The following MTMR9 variants were observed in gnomAD, a reference collection of about 807,000 sequenced individuals.
The protein encoded by MTMR9 is myotubularin-related protein 9.
A neutral mutation model predicts 69.5 loss-of-function variants in MTMR9; 39 were observed. That is an observed-to-expected ratio of 0.56 (90% CI 0.43 to 0.73). The LOEUF is 0.73. Ranked by LOEUF, MTMR9 falls within the 30% of genes least tolerant of loss-of-function variation. The pLI is 0.00. For missense variants in MTMR9, 900 were observed against 671.2 expected (o/e 1.34, Z -3.77); for synonymous variants, 354 against 240.8 (o/e 1.47, Z -4.35).
At chr8:11,291,033 G>C (rs1366693394) in intron 1 of MTMR9, among the ~76,000 whole-genome samples, 1 of 151,998 alleles carries the variant, frequency 6.6e-6, no homozygotes, top group Non-Finnish European at 1.5e-5. Flanking sequence ...CGTCCACTCA[G>C]CTTCCCCTAA....
chr8:11,305,802 T>C (rs1490829118), intron 4 of MTMR9, among the ~76,000 whole-genome samples: 1 of 152,228 alleles, frequency 6.6e-6, no homozygotes, highest in Non-Finnish European at 1.5e-5. Flanking sequence ...CTTATAATTG[T>C]TGTTAAAACC....
At chr8:11,314,388 T>C (rs1265082120) in intron 6 of MTMR9, among the ~76,000 whole-genome samples, 1 of 152,234 alleles carries the variant, frequency 6.6e-6, no homozygotes, top group East Asian at 1.9e-4. Context: ...TGTTTGTTTT[T>C]TTTCCTGTTG....
intron 7 of MTMR9, chr8:11,316,072 A>T (rs1323204548): frequency 6.6e-6 from 1 of 152,254 alleles, no homozygotes; most frequent in African/African-American, 2.4e-5. Context: ...AGTAGATGGC[A>T]GACTCTTGCT....
chr8:11,330,002 A>T (rs549431905), downstream of MTMR9, among the ~76,000 whole-genome samples: 51 of 145,018 alleles, frequency 3.5e-4, no homozygotes, highest in African/African-American at 1.3e-3. Flanking sequence ...TCCGCCTGGC[A>T]GCTGCCCCGT....
chr8:11,287,700 A>G (rs558157757), intron 1 of MTMR9, among the ~76,000 whole-genome samples: 112 of 133,790 alleles, frequency 8.4e-4, no homozygotes, highest in Middle Eastern at 3.7e-3. Flanking sequence ...TGTTTATTAT[A>G]TATTATATAT....
At position 11,325,361 on chromosome 8, in the gene MTMR9, C is replaced by T. The variant is rs1256195657; in HGVS notation, c.*2573C>T. The T allele has an allele frequency of 6.6e-6, 1 of 152,186 alleles. No individual in the cohort carries two copies. The highest frequency in any genetic ancestry group is 1.5e-5 in the Non-Finnish European group (1 of 68,042). The allele number at this position is 152,186 out of a possible 1,614,324, so 9.4% of individuals were successfully genotyped here. On this transcript the variant is annotated 3_prime_UTR_variant, in exon 10 of 10. Coordinates refer to ENST00000221086, the MANE Select transcript of MTMR9 (RefSeq NM_015458.4). ...ACACGGATACACTCCTGAGAAGACA[C>T]TCGTTAAACATTGCATCGGAGAGCT... is the stretch of plus-strand genomic sequence containing the variant.
chr8:11,291,011 A>G (rs558765546), intron 1 of MTMR9, among the ~76,000 whole-genome samples: 2 of 152,072 alleles, frequency 1.3e-5, no homozygotes, highest in South Asian at 4.2e-4. Context: ...TTGCACATAG[A>G]GGTTTTAGAA....
At chr8:11,302,824 G>T (rs1036119002) in intron 3 of MTMR9, among the ~76,000 whole-genome samples, 1 of 152,002 alleles carries the variant, frequency 6.6e-6, no homozygotes, top group Non-Finnish European at 1.5e-5. Flanking sequence ...GAGATCATAG[G>T]CATTTCTGTA....
At chr8:11,294,971 A>G in intron 1 of MTMR9, 2 of 299,114 alleles carry the variant, frequency 6.7e-6, no homozygotes, top group South Asian at 1.5e-4. Flanking sequence ...AGTTAGCTTA[A>G]TGTGAATTAC....
At chr8:11,331,569 G>T (rs774691176), downstream of MTMR9, 2 of 1,613,830 alleles carry the variant, frequency 1.2e-6, no homozygotes, top group South Asian at 2.2e-5. Context: ...CCAGGGTCTC[G>T]GTGGCTACGA....
At position 11,322,997 on chromosome 8, in the gene MTMR9, C is replaced by T. The variant is rs991614271; in HGVS notation, c.*209C>T. On this transcript the variant is annotated 3_prime_UTR_variant, in exon 10 of 10. Coordinates refer to ENST00000221086, the MANE Select transcript of MTMR9 (RefSeq NM_015458.4). ...TCATGTGGCCTGTTAGGGCCTGTCA[C>T]TTTGGGAGCCGGAAGGAGGTGCTAG... is the stretch of plus-strand genomic sequence containing the variant. The T allele has an allele frequency of 1.0e-4, 39 of 374,578 alleles. No homozygotes were observed. Among genetic ancestry groups the T allele is most frequent in the Non-Finnish European group, 1.7e-4 (36 of 213,248 alleles). 23.2% of individuals were successfully genotyped at this position (374,578 alleles called of 1,614,324 possible). A position where few individuals can be genotyped will look rare whatever the true frequency, so the allele number is the denominator to read the frequency against.
intron 2 of MTMR9, chr8:11,297,755 A>G (rs1799611100): frequency 2.5e-6 from 1 of 394,766 alleles, no homozygotes; most frequent in African/African-American, 2.1e-5. Context: ...TTAGAAACTG[A>G]CTCATTATAT....
At chr8:11,321,258 A>G (rs116271240) in intron 9 of MTMR9, 507 of 365,040 alleles carry the variant, frequency 1.4e-3, no homozygotes, top group African/African-American at 0.01. Flanking sequence ...TTGTGAAGGG[A>G]TGGTGACTGC....
downstream of MTMR9, chr8:11,331,637 C>G (rs1563297809): frequency 1.4e-5 from 23 of 1,612,658 alleles, no homozygotes; most frequent in South Asian, 4.4e-5. Context: ...GACCTGGACT[C>G]TGGACACTAC....
chr8:11,305,414 T>G (rs1021199288), intron 4 of MTMR9, among the ~76,000 whole-genome samples: 8 of 152,240 alleles, frequency 5.3e-5, no homozygotes, highest in Admixed American at 3.9e-4. Flanking sequence ...GTATTTATTT[T>G]CAAAGGTGAA....
chr8:11,304,485 T>A (rs1799867527), intron 3 of MTMR9, among the ~76,000 whole-genome samples: 1 of 152,146 alleles, frequency 6.6e-6, no homozygotes, highest in African/African-American at 2.4e-5. Context: ...CTAAGGAGGA[T>A]CAGCTGTCTT....
chr8:11,287,831 A>G (rs540733065), intron 1 of MTMR9, among the ~76,000 whole-genome samples: 4 of 123,976 alleles, frequency 3.2e-5, no homozygotes, highest in African/African-American at 1.3e-4. Context: ...TATAATATAT[A>G]ACATTATATA....
Position 11,309,702 on chromosome 8 carries a change from C to T in MTMR9, c.971+14C>T, listed in dbSNP as rs751907276. 1 of 1,611,958 alleles carries T rather than the reference C, an allele frequency of 6.2e-7. No individual in the cohort carries two copies. Among genetic ancestry groups the T allele is most frequent in the South Asian group, 1.1e-5 (1 of 90,924 alleles). On this transcript the variant is annotated intron_variant, in intron 6 of 9. Transcript: ENST00000221086. Reference sequence around the variant, plus strand: ...GTGCATCGACAGGTAAAGTGCATTTCAGCGTTCCTGAGCGAAACATGGCGC... The same window carrying T: ...GTGCATCGACAGGTAAAGTGCATTTTAGCGTTCCTGAGCGAAACATGGCGC...
intron 2 of MTMR9, 30 bp from the exon 3 acceptor site, chr8:11,299,993 T>C (rs374660650): frequency 3.1e-5 from 49 of 1,599,630 alleles, no homozygotes; most frequent in Non-Finnish European, 4.0e-5. Flanking sequence ...GGATGTTTCT[T>C]TTTTGTCTTT....
Sources: gnomAD v4.1 joint callset for allele counts (sites outside exome capture counted in the v4.1 genomes callset) on GRCh38, gnomAD v4.1.1 for gene constraint, MANE v1.5 for transcripts, NCBI Gene and HGNC (gene_info 2026-07-23, HGNC 2026-07-21) for gene names.